Variants in ZMIZ1 observed in about 807,000 individuals in gnomAD.
ZMIZ1 encodes zinc finger MIZ-type containing 1, also known as zinc finger MIZ domain-containing protein 1.
A neutral mutation model predicts 113.9 loss-of-function variants in ZMIZ1; 17 were observed. The observed-to-expected ratio is 0.15, with a 90% CI of 0.10 to 0.22. ZMIZ1 has a LOEUF of 0.22. ZMIZ1 is among the 10% of genes least tolerant of loss of function. The pLI, the probability that ZMIZ1 is intolerant of heterozygous loss-of-function variation, is 1.00. For missense variants in ZMIZ1, 1,059 were observed against 1,477.8 expected (o/e 0.72, Z 4.65); for synonymous variants, 607 against 603.1 (o/e 1.01, Z -0.09).
chr10:79,202,937 T>C (rs1416860562), intron 5 of ZMIZ1, among the ~76,000 whole-genome samples: 1 of 152,222 alleles, frequency 6.6e-6, no homozygotes, highest in African/African-American at 2.4e-5. Context: ...TCCCCATTTG[T>C]CAAATGGGGC....
intron 8 of ZMIZ1, among the ~76,000 whole-genome samples, chr10:79,286,741 G>C (rs1564583252): frequency 6.6e-6 from 1 of 152,250 alleles, no homozygotes; most frequent in African/African-American, 2.4e-5. Context: ...CGCCCACAAG[G>C]CTCACCCACG....
chr10:79,272,979 G>A (rs1025597166), intron 7 of ZMIZ1, among the ~76,000 whole-genome samples: 5 of 152,234 alleles, frequency 3.3e-5, no homozygotes, highest in Admixed American at 2.6e-4. Flanking sequence ...GGATGACAGG[G>A]GATGGGGCTT....
At chr10:79,077,505 G>C (rs1347900245) in intron 1 of ZMIZ1, among the ~76,000 whole-genome samples, 1 of 151,526 alleles carries the variant, frequency 6.6e-6, no homozygotes, top group Non-Finnish European at 1.5e-5. Flanking sequence ...GAGGGGTGGG[G>C]TTTTCCATCG....
At chr10:79,080,572 G>A (rs1842626518) in intron 1 of ZMIZ1, among the ~76,000 whole-genome samples, 1 of 152,132 alleles carries the variant, frequency 6.6e-6, no homozygotes, top group South Asian at 2.1e-4. Flanking sequence ...GCCTCCCGAA[G>A]TGCTGGGATT....
chr10:79,144,163 A>G (rs1845389147), intron 3 of ZMIZ1, among the ~76,000 whole-genome samples: 2 of 152,092 alleles, frequency 1.3e-5, no homozygotes, highest in African/African-American at 4.8e-5. Context: ...GTCCCTATCC[A>G]TTCTCTCCCT....
chr10:79,212,792 A>T (rs1405321334), intron 6 of ZMIZ1, among the ~76,000 whole-genome samples: 1 of 151,700 alleles, frequency 6.6e-6, no homozygotes, highest in African/African-American at 2.4e-5. Flanking sequence ...TTGTGTACAG[A>T]TGAGATCTTG....
chr10:79,226,725 C>T (rs969733326), intron 7 of ZMIZ1, among the ~76,000 whole-genome samples: 1 of 152,302 alleles, frequency 6.6e-6, no homozygotes, highest in South Asian at 2.1e-4. Flanking sequence ...CCAAGTGTTG[C>T]AAGCCACAGC....
intron 7 of ZMIZ1, among the ~76,000 whole-genome samples, chr10:79,252,313 C>G (rs1419346827): frequency 6.6e-6 from 1 of 152,148 alleles, no homozygotes; most frequent in Non-Finnish European, 1.5e-5. Context: ...CAGATAAATA[C>G]ATTTAGTGAC....
chr10:79,256,337 C>T (rs1414134509), intron 7 of ZMIZ1, among the ~76,000 whole-genome samples: 1 of 152,164 alleles, frequency 6.6e-6, no homozygotes, highest in African/African-American at 2.4e-5. Context: ...CTCTATGCTC[C>T]TGGCCTGGCA....
intron 4 of ZMIZ1, among the ~76,000 whole-genome samples, chr10:79,176,107 G>GGAT (rs2132550016): frequency 6.6e-6 from 1 of 152,106 alleles, no homozygotes; most frequent in African/African-American, 2.4e-5. Context: ...ATGGAGGGAG[G>GGAT]GGATGGGGCA....
At chr10:79,079,902 T>C (rs1038608009) in intron 1 of ZMIZ1, among the ~76,000 whole-genome samples, 19 of 152,258 alleles carry the variant, frequency 1.2e-4, no homozygotes, top group African/African-American at 4.6e-4. Flanking sequence ...ATTTTGTGGG[T>C]CCCGCCCAGG....
Position 79,291,067 on chromosome 10 carries a change from G to T in ZMIZ1, c.649G>T (p.Ala217Ser), listed in dbSNP as rs200853027. ...SNPGLNSPQF[A>S]GQQQQFSAKA... ...CCCAGGCCTCAACTCCCCACAGTTT[G>T]CGGGGCAGCAGCAGCAGTTCTCAGC... The change falls in exon 10 of 25, where the codon GCG (alanine) becomes TCG (serine). Residue 217 changes from alanine to serine, a missense_variant. By Grantham distance (99) the Ala-to-Ser change is moderately conservative. Coordinates refer to ENST00000334512, the MANE Select transcript of ZMIZ1 (RefSeq NM_020338.4). 6.1e-5 allele frequency: 98 copies of T among 1,614,136 alleles called. No homozygotes were observed. The highest frequency in any genetic ancestry group is 7.9e-5 in the Non-Finnish European group (93 of 1,180,056).
intron 5 of ZMIZ1, among the ~76,000 whole-genome samples, chr10:79,205,176 C>T (rs1328561998): frequency 6.6e-6 from 1 of 152,218 alleles, no homozygotes; most frequent in Non-Finnish European, 1.5e-5. Flanking sequence ...GATGGGCAGG[C>T]TTTCTGATGG....
chr10:79,265,332 A>T (rs553044848), intron 7 of ZMIZ1, among the ~76,000 whole-genome samples: 1 of 152,132 alleles, frequency 6.6e-6, no homozygotes, highest in East Asian at 1.9e-4. Flanking sequence ...ATCCCAGGCC[A>T]CCTGCACCAC....
chr10:79,212,770 G>GA lies in ZMIZ1; in HGVS notation c.175-3389dup, dbSNP rs373464118. Among the ~76,000 whole-genome samples, 40 of 145,022 alleles carry GA rather than the reference G, an allele frequency of 2.8e-4. No individual in the cohort carries two copies. The South Asian group carries it at 6.0e-3, about 22-fold the overall frequency. On this transcript the variant is annotated intron_variant, in intron 6 of 24. Coordinates refer to ENST00000334512, the MANE Select transcript of ZMIZ1 (RefSeq NM_020338.4). ...GACTCTGTCTCAAAAAAAAAAAAAAGAAAAAAAAAATTTGTGTACAGATGA... is the reference window on the plus strand; with the variant it reads ...GACTCTGTCTCAAAAAAAAAAAAAAGAAAAAAAAAAATTTGTGTACAGATGA...
At chr10:79,144,257 G>A (rs1845394840) in intron 3 of ZMIZ1, among the ~76,000 whole-genome samples, 1 of 152,180 alleles carries the variant, frequency 6.6e-6, no homozygotes, top group Non-Finnish European at 1.5e-5. Flanking sequence ...CAGGGTTAGA[G>A]AGGAAAATTC....
Position 79,293,594 on chromosome 10 carries a change from C to T in ZMIZ1, c.1171C>T (p.Pro391Ser), listed in dbSNP as rs748755641. 2 of 1,612,998 alleles carry T rather than the reference C, an allele frequency of 1.2e-6. No homozygotes were observed. Among genetic ancestry groups the T allele is most frequent in the East Asian group, 2.2e-5 (1 of 44,890 alleles). Reference sequence around the variant, plus strand: ...GCAGCGGATGCCCCAGCAGACCTACCCGGGCCCCCGGCCCCAGTCCCTTCC... The same window carrying T: ...GCAGCGGATGCCCCAGCAGACCTACTCGGGCCCCCGGCCCCAGTCCCTTCC... ...HGQRMPQQTY[P>S]GPRPQSLPIQ... is the part of the protein sequence containing the mutation. The change falls in exon 12 of 25, where the codon CCG becomes TCG. Residue 391 changes from proline (P) to serine (S), a missense_variant. Coordinates refer to ENST00000334512, the MANE Select transcript of ZMIZ1 (RefSeq NM_020338.4).
chr10:79,244,753 A>G (rs189824017), intron 7 of ZMIZ1, among the ~76,000 whole-genome samples: 1 of 152,310 alleles, frequency 6.6e-6, no homozygotes, highest in Admixed American at 6.5e-5. Flanking sequence ...GAGGAGAGAA[A>G]TCAGGCTGAG....
At chr10:79,185,857 G>A (rs561257616) in intron 4 of ZMIZ1, among the ~76,000 whole-genome samples, 1 of 152,036 alleles carries the variant, frequency 6.6e-6, no homozygotes, top group Non-Finnish European at 1.5e-5. Flanking sequence ...GCAGCATCTG[G>A]AGTGTCTGTG....
Sources: gnomAD v4.1 joint callset for allele counts (sites outside exome capture counted in the v4.1 genomes callset) on GRCh38, gnomAD v4.1.1 for gene constraint, MANE v1.5 for transcripts, NCBI Gene and HGNC (gene_info 2026-07-23, HGNC 2026-07-21) for gene names.